Variants in URB2 observed in about 807,000 individuals in gnomAD.
URB2 encodes the protein unhealthy ribosome biogenesis protein 2 homolog.
In URB2, 86 loss-of-function variants were observed where a neutral mutation model predicts 120.9. The ratio of observed to expected loss-of-function variants is 0.71; its 90% CI spans 0.60 to 0.85. The LOEUF (loss-of-function observed/expected upper bound fraction) is 0.85, where lower values mean the gene tolerates loss of function less well. Ranked by LOEUF, URB2 falls within the 40% of genes least tolerant of loss-of-function variation. The pLI is 0.00. For synonymous variants in URB2, 755 were observed against 758.4 expected (o/e 1.00, Z 0.07); for missense variants, 1,765 against 1,836.5 (o/e 0.96, Z 0.71).
intron 9 of URB2, among the ~76,000 whole-genome samples, chr1:229,655,527 C>A (rs1034345844): frequency 6.6e-6 from 1 of 152,218 alleles, no homozygotes; most frequent in Non-Finnish European, 1.5e-5. Flanking sequence ...AGCCACCGCG[C>A]CCAGCCATTC....
chr1:229,632,530 G>T (rs1665697688), intron 3 of URB2, 85 bp downstream of exon 3: 2 of 1,215,748 alleles, frequency 1.6e-6, no homozygotes, highest in African/African-American at 1.6e-5. Context: ...AGTGTCAATT[G>T]TATGAAGATA....
At chr1:229,644,432 A>G (rs997600439) in intron 5 of URB2, among the ~76,000 whole-genome samples, 1 of 152,206 alleles carries the variant, frequency 6.6e-6, no homozygotes, top group African/African-American at 2.4e-5. Flanking sequence ...GTTGGTCAGG[A>G]GACTTCCCGG....
At position 229,659,430 on chromosome 1, in the gene URB2, T is replaced by C. The variant is rs1485280250; in HGVS notation, c.*133T>C. ...GTATACATAGAAAATCCTTTGGGGTTTATGTAGTATATTTTGATGTATTTT... is the reference window on the plus strand; with the variant it reads ...GTATACATAGAAAATCCTTTGGGGTCTATGTAGTATATTTTGATGTATTTT... On this transcript the variant is annotated 3_prime_UTR_variant, in exon 10 of 10. Coordinates refer to ENST00000258243, the MANE Select transcript of URB2 (RefSeq NM_014777.4). The C allele has an allele frequency of 2.2e-6, 2 of 910,510 alleles. No homozygotes were observed. The highest frequency in any genetic ancestry group is 5.1e-5 in the East Asian group (2 of 39,104). The allele number at this position is 910,510 out of a possible 1,614,324, so 56.4% of individuals were successfully genotyped here. A position where few individuals can be genotyped will look rare whatever the true frequency, so the allele number is the denominator to read the frequency against.
In URB2 at chr1:229,635,075, C is replaced by G; in HGVS notation, c.462C>G (p.Cys154Trp). Reference sequence around the variant, plus strand: ...TGGTGGCCTTGCTGAGCCAGCTTTGCTGGTCGGCCTGCAGGCAGCCCGAAG... The same window carrying G: ...TGGTGGCCTTGCTGAGCCAGCTTTGGTGGTCGGCCTGCAGGCAGCCCGAAG... ...ELMVALLSQL[C>W]WSACRQPEGA... Residue 154 changes from cysteine (C) to tryptophan (W), a missense_variant, in exon 4 of 10, where the codon TGC (cysteine) becomes TGG (tryptophan). Physicochemically the swap from Cys to Trp is radical, Grantham distance 215. Transcript: ENST00000258243. 1 of 1,614,026 alleles carries G rather than the reference C, an allele frequency of 6.2e-7. No homozygotes were observed. Among genetic ancestry groups the G allele is most frequent in the Non-Finnish European group, 8.5e-7 (1 of 1,179,944 alleles).
rs1571872937 is a variant in URB2, at chr1:229,637,741, A to G, written c.3128A>G (p.Lys1043Arg). The change falls in exon 4 of 10, where the codon AAA becomes AGA. Residue 1043 changes from lysine (K) to arginine (R), a missense_variant. Lys to Arg is a conservative substitution (Grantham distance 26). Transcript: ENST00000258243. Reference protein sequence around the residue: ...SKPYTEAASSKQLENQNPQGR... With the variant: ...SKPYTEAASSRQLENQNPQGR... Reference sequence around the variant, plus strand: ...CCATACACGGAGGCAGCTTCAAGCAAACAATTAGAAAATCAGAACCCCCAG... The same window carrying G: ...CCATACACGGAGGCAGCTTCAAGCAGACAATTAGAAAATCAGAACCCCCAG... 1.9e-6 allele frequency: 3 copies of G among 1,614,160 alleles called. No homozygotes were observed. The highest frequency in any genetic ancestry group is 2.2e-5 in the South Asian group (2 of 91,086).
chr1:229,647,861 A>G (rs1160712377), intron 7 of URB2, 109 bp downstream of exon 7: 3 of 1,477,124 alleles, frequency 2.0e-6, no homozygotes, highest in Non-Finnish European at 1.8e-6. Flanking sequence ...AATAATACAA[A>G]TAACGATTTG....
At position 229,659,292 on chromosome 1, in the gene URB2, G is replaced by T. The variant is rs1666469960; in HGVS notation, c.4570G>T (p.Ala1524Ser). 6.2e-7 allele frequency: 1 copy of T among 1,613,768 alleles called. No homozygotes were observed. Residue 1524 changes from alanine (A) to serine (S), a missense_variant, in exon 10 of 10, where the codon GCC (alanine) becomes TCC (serine). Physicochemically the swap from Ala to Ser is moderately conservative, Grantham distance 99. Transcript: ENST00000258243. ...AKHEGEKRYT[A>S] ...ACATGAAGGAGAGAAAAGATATACG[G>T]CCTAAGGCTATGGGACAGAAGTGCC...
rs1430732968 is a variant in URB2, at chr1:229,627,579, C to T, written c.-13-42C>T. ...GTTTTCTGGTGCCTGCTCAGTCTGACATTGTTATAGTATTTTTTTTCCCAT... is the reference window on the plus strand; with the variant it reads ...GTTTTCTGGTGCCTGCTCAGTCTGATATTGTTATAGTATTTTTTTTCCCAT... On this transcript the variant is annotated intron_variant, in intron 1 of 9. Coordinates refer to ENST00000258243, the MANE Select transcript of URB2 (RefSeq NM_014777.4). 4 of 1,590,116 alleles carry T rather than the reference C, an allele frequency of 2.5e-6. No individual in the cohort carries two copies. In the Admixed American group the frequency reaches 5.2e-5, roughly 21 times the overall value.
At chr1:229,641,484 A>T (rs947954915) in intron 4 of URB2, among the ~76,000 whole-genome samples, 1 of 152,030 alleles carries the variant, frequency 6.6e-6, no homozygotes, top group African/African-American at 2.4e-5. Context: ...GGCCTCTTCC[A>T]CCTGAGCTGT....
In URB2 at chr1:229,635,925, G is replaced by C. The variant is rs1665795475; in HGVS notation, c.1312G>C (p.Ala438Pro). ...DDLLASAWID[A>P]EVTEFRTKKA... Reference sequence around the variant, plus strand: ...CCTGCTGGCTTCAGCGTGGATCGATGCCGAGGTAACAGAGTTTCGAACCAA... The same window carrying C: ...CCTGCTGGCTTCAGCGTGGATCGATCCCGAGGTAACAGAGTTTCGAACCAA... The change falls in exon 4 of 10, where the codon GCC (alanine) becomes CCC (proline). Residue 438 changes from alanine (A) to proline (P), a missense_variant. Transcript: ENST00000258243. 6.2e-7 allele frequency: 1 copy of C among 1,614,234 alleles called. No individual in the cohort carries two copies. The highest frequency in any genetic ancestry group is 2.2e-5 in the East Asian group (1 of 44,894).
intron 8 of URB2, among the ~76,000 whole-genome samples, 194 bp downstream of exon 8, chr1:229,651,516 A>G (rs1480858518): frequency 1.3e-5 from 2 of 152,244 alleles, no homozygotes; most frequent in East Asian, 3.8e-4. Context: ...ACAGTGGATG[A>G]ATCAGGCATC....
At chr1:229,646,811 T>C (rs560318738) in intron 6 of URB2, among the ~76,000 whole-genome samples, 54 of 152,310 alleles carry the variant, frequency 3.5e-4, no homozygotes, top group African/African-American at 1.3e-3. Context: ...GAAGGAGCAG[T>C]ATCTATTTTA....
chr1:229,636,974 A>G lies in URB2; in HGVS notation c.2361A>G (p.Thr787=). Reference sequence around the variant, plus strand: ...CAATAGATGAAGAGGCATACATCACACTGGAAAAAATATCCAAAGCCTTCC... The same window carrying G: ...CAATAGATGAAGAGGCATACATCACGCTGGAAAAAATATCCAAAGCCTTCC... ...EVSIDEEAYI[T]LEKISKAFLH... is the part of the protein sequence containing the mutation. The change falls in exon 4 of 10, where the codon ACA becomes ACG. Residue 787 remains threonine, a synonymous_variant. Coordinates refer to ENST00000258243, the MANE Select transcript of URB2 (RefSeq NM_014777.4). 1 of 1,614,134 alleles carries G rather than the reference A, an allele frequency of 6.2e-7. No individual in the cohort carries two copies. The highest frequency in any genetic ancestry group is 1.1e-5 in the South Asian group (1 of 91,086).
At chr1:229,647,370 T>C in intron 6 of URB2, 140 bp from the exon 7 acceptor site, 1 of 1,009,308 alleles carries the variant, frequency 9.9e-7, no homozygotes, top group Non-Finnish European at 1.4e-6. Flanking sequence ...GTTTAGCAAA[T>C]AGTATTTAAC....
chr1:229,641,577 G>A (rs1052591511), intron 4 of URB2, among the ~76,000 whole-genome samples: 7 of 152,176 alleles, frequency 4.6e-5, no homozygotes, highest in Admixed American at 3.3e-4. Flanking sequence ...CTTTGGGCAG[G>A]GAGAGGGAGT....
chr1:229,634,179 GA>G (rs1394444331), intron 3 of URB2, among the ~76,000 whole-genome samples: 1 of 150,514 alleles, frequency 6.6e-6, no homozygotes, highest in East Asian at 2.0e-4. Flanking sequence ...TTTTTAAATA[GA>G]AAAAGTATAA....
chr1:229,655,995 G>A (rs1019629057), intron 9 of URB2, among the ~76,000 whole-genome samples: 1 of 152,214 alleles, frequency 6.6e-6, no homozygotes. Flanking sequence ...CCTGTCCTGT[G>A]GGTGGGGACA....
intron 8 of URB2, among the ~76,000 whole-genome samples, chr1:229,651,996 A>C (rs1051208297): frequency 2.6e-5 from 4 of 152,148 alleles, no homozygotes; most frequent in Non-Finnish European, 5.9e-5. Context: ...AGCCTGGCCA[A>C]CATGGTGAAA....
At chr1:229,639,615 C>T (rs1047403139) in intron 4 of URB2, among the ~76,000 whole-genome samples, 1 of 152,162 alleles carries the variant, frequency 6.6e-6, no homozygotes, top group African/African-American at 2.4e-5. Context: ...GGATTACAGG[C>T]GTGAGCCACC....
Sources: allele counts gnomAD v4.1 joint callset (sites outside exome capture counted in the v4.1 genomes callset), GRCh38; gene constraint gnomAD v4.1.1; transcripts MANE v1.5; gene names NCBI Gene and HGNC (gene_info 2026-07-23, HGNC 2026-07-21).